The following ZKSCAN4 variants were observed in gnomAD, a reference collection of about 807,000 sequenced individuals.
ZKSCAN4 encodes the protein zinc finger with KRAB and SCAN domains 4.
ZKSCAN4 carries 23 observed loss-of-function variants against 30.8 expected under a neutral mutation model. The ratio of observed to expected loss-of-function variants is 0.75; its 90% confidence interval spans 0.54 to 1.06. The LOEUF (loss-of-function observed/expected upper bound fraction) is 1.06. Among genes scored for constraint, ZKSCAN4 ranks in the 50% least tolerant of loss-of-function variants. The pLI is 0.00. For missense variants in ZKSCAN4, 556 were observed against 665.4 expected (o/e 0.84, Z 1.81); for synonymous variants, 208 against 252.5 (o/e 0.82, Z 1.67).
rs1217342563 is a variant in ZKSCAN4, at chr6:28,244,126, C to T, written c.*990G>A. The stretch of plus-strand genomic sequence containing the variant: ...TCTTCGGACCTGGAGAAAGTTTAAG[C>T]TTAGCTGGCATAAGCCTTGATGCAC... On this transcript the variant is annotated 3_prime_UTR_variant, in exon 5 of 5. Coordinates refer to ENST00000377294, the MANE Select transcript of ZKSCAN4 (RefSeq NM_019110.5). Among the ~76,000 whole-genome samples, 1 of 152,144 alleles carries T rather than the reference C, an allele frequency of 6.6e-6. No homozygotes were observed. The highest frequency in any genetic ancestry group is 2.4e-5 in the African/African-American group (1 of 41,400).
chr6:28,253,663 G>A (rs1761096140), upstream of ZKSCAN4, among the ~76,000 whole-genome samples: 1 of 152,214 alleles, frequency 6.6e-6, no homozygotes, highest in Non-Finnish European at 1.5e-5. The surrounding 1 kb of genome is among the most constrained non-coding windows in gnomAD (Gnocchi z 4.2). Flanking sequence ...AATTAAATCA[G>A]AATGTCACAG....
upstream of ZKSCAN4, chr6:28,252,367 T>G: frequency 6.0e-6 from 1 of 165,538 alleles, no homozygotes; most frequent in Non-Finnish European, 1.3e-5. Context: ...TTAGCTACCC[T>G]GTCCTTACCT....
At chr6:28,248,801 G>A (rs927505019) in intron 2 of ZKSCAN4, among the ~76,000 whole-genome samples, 1 of 145,288 alleles carries the variant, frequency 6.9e-6, no homozygotes, top group African/African-American at 2.6e-5. Context: ...ACTCCAGCCT[G>A]GATAACAGAG....
rs919600844 is a variant in ZKSCAN4, at chr6:28,242,153, A to G, written c.*2963T>C. Among the ~76,000 whole-genome samples the G allele has an allele frequency of 2.0e-5, 3 of 152,200 alleles. No individual in the cohort carries two copies. Among genetic ancestry groups the G allele is most frequent in the Admixed American group, 1.3e-4 (2 of 15,284 alleles). On this transcript the variant is annotated 3_prime_UTR_variant, in exon 5 of 5. Transcript: ENST00000377294. ...ACTAGTCACCACTAAAATTCCTAAA[A>G]GCAATTTAAGAAAATATGAAAAGTG...
At chr6:28,258,501 G>A in the ZKSCAN4 span, among the ~76,000 whole-genome samples, 3 of 151,804 alleles carry the variant, frequency 2.0e-5, no homozygotes, top group Non-Finnish European at 4.4e-5. Context: ...CTCTGGGCCG[G>A]GCATGGTGGC....
rs749386434 is a variant in ZKSCAN4, at chr6:28,249,703, C to T, written c.555G>A (p.Gln185=). The T allele has an allele frequency of 6.2e-7, 1 of 1,614,040 alleles. No homozygotes were observed. Among genetic ancestry groups the T allele is most frequent in the Non-Finnish European group, 8.5e-7 (1 of 1,179,938 alleles). ...ALFKHESLGS[Q]PLHDRVLQVP... ...AATACTCACCTCTATCGTGTAAGGG[C>T]TGGGATCCCAGAGATTCATGCTTGA... Residue 185 remains glutamine, a synonymous_variant, in exon 2 of 5, where the codon CAG becomes CAA. Coordinates refer to ENST00000377294, the MANE Select transcript of ZKSCAN4 (RefSeq NM_019110.5). This position sits in a 1 kb window ranked among gnomAD's most constrained non-coding sequence, Gnocchi z 4.1.
At chr6:28,252,534 A>T (rs891668579), upstream of ZKSCAN4, among the ~76,000 whole-genome samples, 13 of 152,056 alleles carry the variant, frequency 8.5e-5, no homozygotes, top group Admixed American at 7.2e-4. Flanking sequence ...CATAAAATTG[A>T]CACTAAAATT....
chr6:28,248,342 A>G (rs1480133379), intron 2 of ZKSCAN4, among the ~76,000 whole-genome samples, 193 bp from the exon 3 acceptor site: 7 of 152,252 alleles, frequency 4.6e-5, no homozygotes, highest in Admixed American at 2.6e-4. Context: ...CTCTGCAGAT[A>G]TACAAAAACC....
At chr6:28,254,385 AG>A (rs1370807568), upstream of ZKSCAN4, among the ~76,000 whole-genome samples, 1 of 152,224 alleles carries the variant, frequency 6.6e-6, no homozygotes, top group Non-Finnish European at 1.5e-5. Context: ...GGCCATGGAA[AG>A]GGGTGGCAAC....
chr6:28,249,885 G>T lies in ZKSCAN4; in HGVS notation c.424-51C>A. The T allele has an allele frequency of 1.3e-6, 2 of 1,597,334 alleles. No individual in the cohort carries two copies. The highest frequency in any genetic ancestry group is 1.7e-6 in the Non-Finnish European group (2 of 1,170,336). ...TACCCAACATTTCTATGTTTTCCAT[G>T]TGCAAGTGATTTCTATTTTCTAGGC... On this transcript the variant is annotated intron_variant, in intron 1 of 4. Transcript: ENST00000377294. This position sits in a 1 kb window ranked among gnomAD's most constrained non-coding sequence, Gnocchi z 4.1.
intron 3 of ZKSCAN4, 138 bp downstream of exon 3, chr6:28,247,929 T>C (rs926544034): frequency 1.8e-6 from 1 of 545,336 alleles, no homozygotes; most frequent in South Asian, 4.2e-5. Flanking sequence ...TATGCAACTT[T>C]GGGATAGATG....
At chr6:28,248,946 CAG>C (rs1760873104) in intron 2 of ZKSCAN4, among the ~76,000 whole-genome samples, 2 of 152,126 alleles carry the variant, frequency 1.3e-5, no homozygotes, top group African/African-American at 4.8e-5. Flanking sequence ...TGCTCAGACT[CAG>C]AAGCAGAAGA....
chr6:28,255,796 CT>C (rs1309458905), upstream of ZKSCAN4, among the ~76,000 whole-genome samples: 2 of 151,728 alleles, frequency 1.3e-5, no homozygotes, highest in Non-Finnish European at 2.9e-5. Flanking sequence ...GTTGGGCTTA[CT>C]TTTTTGGGCC....
rs745597702 is a variant in ZKSCAN4, at chr6:28,245,702, T to TAGGGTTTC, written c.1051_1052insGAAACCCT (p.Glu351GlyfsTer101). ...CCCAATGAAGGTCTTTCCACAGTCT[T>TAGGGTTTC]CACATTCATAGGGTTTCTCACCAGT... On this transcript the variant is annotated frameshift_variant, in exon 5 of 5. Transcript: ENST00000377294. LOFTEE classifies it low-confidence loss of function (END_TRUNC). The TAGGGTTTC allele has an allele frequency of 8.3e-5, 134 of 1,614,132 alleles. No homozygotes were observed. The highest frequency in any genetic ancestry group is 1.3e-5 in the Non-Finnish European group (15 of 1,180,052).
Position 28,244,892 on chromosome 6 carries a change from C to A in ZKSCAN4, c.*224G>T. 1.6e-6 allele frequency: 1 copy of A among 630,388 alleles called. No individual in the cohort carries two copies. The highest frequency in any genetic ancestry group is 2.8e-6 in the Non-Finnish European group (1 of 359,826). The allele number at this position is 630,388 out of a possible 1,614,324, so 39.0% of individuals were successfully genotyped here. A position where few individuals can be genotyped will look rare whatever the true frequency, so the allele number is the denominator to read the frequency against. On this transcript the variant is annotated 3_prime_UTR_variant, in exon 5 of 5. Transcript: ENST00000377294. ...GAACAAACTATTTTAGGTCCTACAACTTCCAGACCACTCTCCCATGGCCTC... is the reference window on the plus strand; with the variant it reads ...GAACAAACTATTTTAGGTCCTACAAATTCCAGACCACTCTCCCATGGCCTC...
At chr6:28,256,916 A>T (rs1761196684), upstream of ZKSCAN4, among the ~76,000 whole-genome samples, 1 of 152,222 alleles carries the variant, frequency 6.6e-6, no homozygotes, top group Non-Finnish European at 1.5e-5. Context: ...TAGTAACGTG[A>T]AAATCATATG....
Position 28,245,256 on chromosome 6 carries a change from T to C in ZKSCAN4, c.1498A>G (p.Arg500Gly). The change falls in exon 5 of 5, where the codon AGA becomes GGA. Residue 500 changes from arginine (R) to glycine (G), a missense_variant. Arg to Gly is a moderately radical substitution (Grantham distance 125). Transcript: ENST00000377294. ...NECERSFTRN[R>G]SLIEHQKIHT... The stretch of plus-strand genomic sequence containing the variant: ...ATTTTCTGATGTTCAATAAGACTTC[T>C]ATTCCGTGTGAAACTTCTCTCACAC... The C allele has an allele frequency of 6.2e-7, 1 of 1,612,316 alleles. No individual in the cohort carries two copies. Among genetic ancestry groups the C allele is most frequent in the African/African-American group, 1.3e-5 (1 of 74,486 alleles).
chr6:28,245,185 A>G lies in ZKSCAN4; in HGVS notation c.1569T>C (p.Gly523=). The change falls in exon 5 of 5, where the codon GGT becomes GGC. Residue 523 remains glycine (G), a synonymous_variant. Transcript: ENST00000377294. ...GAACAAGGTATGAAGTTCGAGTGAA[A>G]CCTTTTCCACATGTGTCACACTGAT... is the stretch of plus-strand genomic sequence containing the variant. ...KPYQCDTCGK[G]FTRTSYLVQH... 1 of 1,613,978 alleles carries G rather than the reference A, an allele frequency of 6.2e-7. No homozygotes were observed. The highest frequency in any genetic ancestry group is 2.2e-5 in the East Asian group (1 of 44,880).
intron 3 of ZKSCAN4, among the ~76,000 whole-genome samples, chr6:28,247,522 CTG>C (rs945422692): frequency 2.6e-5 from 4 of 152,282 alleles, no homozygotes; most frequent in South Asian, 2.1e-4. Context: ...GCCTCAAACA[CTG>C]AGATCTTCAA....
Sources: allele counts gnomAD v4.1 joint callset (sites outside exome capture counted in the v4.1 genomes callset), GRCh38; gene constraint gnomAD v4.1.1; non-coding constraint Gnocchi (gnomAD v3.1); transcripts MANE v1.5; gene names NCBI Gene and HGNC (gene_info 2026-07-23, HGNC 2026-07-21).